CDKL5: variants seen among roughly 807,000 people sequenced by gnomAD.
CDKL5 encodes cyclin dependent kinase like 5.
In CDKL5, 8 loss-of-function variants were observed where a neutral mutation model predicts 61.7. That is an observed-to-expected ratio of 0.13 (90% confidence interval 0.08 to 0.23). CDKL5 has a LOEUF of 0.23. Among genes scored for constraint, CDKL5 ranks in the 10% least tolerant of loss-of-function variants. The pLI is 1.00. For synonymous variants in CDKL5, 275 were observed against 272.3 expected, an observed-to-expected ratio of 1.01 and a Z score of -0.10; for missense variants, 440 against 734.5, an observed-to-expected ratio of 0.60 and a Z score of 4.63.
At chrX:18,549,586 G>T (rs537239254) in intron 3 of CDKL5, among the ~76,000 whole-genome samples, 1 of 112,113 alleles carries the variant, frequency 8.9e-6, no homozygotes, top group African/African-American at 3.2e-5. Flanking sequence ...CCAGGAAAGA[G>T]AGCAGGATGA....
intron 3 of CDKL5, among the ~76,000 whole-genome samples, chrX:18,540,524 A>T (rs1387176250): frequency 9.0e-6 from 1 of 111,264 alleles, no homozygotes; most frequent in Non-Finnish European, 1.9e-5. Flanking sequence ...ACCATTCTTT[A>T]AGGGTAAGTT....
At chrX:18,616,624 TAA>T (rs771312871) in intron 15 of CDKL5, among the ~76,000 whole-genome samples, 8 of 92,641 alleles carry the variant, frequency 8.6e-5, no homozygotes, top group Admixed American at 1.2e-4. Flanking sequence ...AAACTCCGTC[TAA>T]AAAAAAAAAA....
chrX:18,577,514 T>G lies in CDKL5; in HGVS notation c.282+2024T>G, dbSNP rs900070897. On this transcript the variant is annotated intron_variant, in intron 5 of 17. Coordinates refer to ENST00000623535, the MANE Select transcript of CDKL5 (RefSeq NM_001323289.2). ...CAGAGGCTTAAAATAGAAGTTTCTTTCACCCTCACATATAAATACAAAGGT... is the reference window on the plus strand; with the variant it reads ...CAGAGGCTTAAAATAGAAGTTTCTTGCACCCTCACATATAAATACAAAGGT... 1.3e-4 allele frequency among the ~76,000 whole-genome samples: 15 copies of G among 112,220 alleles called. No homozygotes were observed. In the Admixed American group the frequency reaches 1.4e-3, roughly 11 times the overall value.
rs200255102 is a variant in CDKL5, at chrX:18,598,316, CTTTT to C, written c.826-138_826-135del. ...TGAGATTATAGGTGATTTAGATAGT[CTTTT>C]TTTTTTTATTTCCTGAACTGTGTTT... On this transcript the variant is annotated intron_variant, in intron 10 of 17. Coordinates refer to ENST00000623535, the MANE Select transcript of CDKL5 (RefSeq NM_001323289.2). The C allele has an allele frequency of 1.6e-5, 6 of 377,327 alleles. No homozygotes were observed. The Admixed American group carries it at 2.4e-4, about 15-fold the overall frequency. 31.1% of individuals were successfully genotyped at this position (377,327 alleles called of 1,213,427 possible).
At chrX:18,521,151 C>T (rs780382114) in intron 3 of CDKL5, among the ~76,000 whole-genome samples, 3 of 112,200 alleles carry the variant, frequency 2.7e-5, no homozygotes, top group East Asian at 2.8e-4. Context: ...TCTTTTCATG[C>T]GCTTTTGGTC....
chrX:18,616,080 C>T (rs1926705485), intron 15 of CDKL5, among the ~76,000 whole-genome samples: 1 of 111,302 alleles, frequency 9.0e-6, no homozygotes, highest in Non-Finnish European at 1.9e-5. Flanking sequence ...TAGCAGGCAG[C>T]ACTGAGGTTG....
intron 1 of CDKL5, among the ~76,000 whole-genome samples, chrX:18,449,713 C>G (rs1931963394): frequency 8.9e-6 from 1 of 111,835 alleles, no homozygotes; most frequent in African/African-American, 3.2e-5. Flanking sequence ...TTATAAGATT[C>G]ATTTGTTGCC....
At chrX:18,620,216 C>T (rs1307332206) in intron 16 of CDKL5, among the ~76,000 whole-genome samples, 2 of 112,316 alleles carry the variant, frequency 1.8e-5, no homozygotes. Context: ...AAGCCTTTCT[C>T]AATATACTTC....
chrX:18,481,794 T>C (rs1164774029), intron 1 of CDKL5, among the ~76,000 whole-genome samples: 1 of 111,127 alleles, frequency 9.0e-6, no homozygotes, highest in African/African-American at 3.3e-5. Flanking sequence ...TTCAGTATTC[T>C]CAGCCTTCCT....
At chrX:18,525,286 A>G (rs755880690) in intron 3 of CDKL5, among the ~76,000 whole-genome samples, 26 of 110,529 alleles carry the variant, frequency 2.4e-4, no homozygotes, top group Admixed American at 5.8e-4. Context: ...TTTAGTAGAG[A>G]TGGGGTTTCA....
chrX:18,490,521 C>T (rs1222350725), intron 1 of CDKL5, among the ~76,000 whole-genome samples: 2 of 110,301 alleles, frequency 1.8e-5, no homozygotes, highest in African/African-American at 3.3e-5. Context: ...CAAATGGAAA[C>T]GTACCAAAGC....
chrX:18,557,088 G>A (rs150421540), intron 3 of CDKL5, among the ~76,000 whole-genome samples: 1,781 of 110,670 alleles, frequency 0.016, 28 homozygotes, highest in Middle Eastern at 0.046. Context: ...ATGATGAAAT[G>A]AAGAATTTCT....
chrX:18,529,294 T>C (rs775201117), intron 3 of CDKL5, among the ~76,000 whole-genome samples: 38 of 109,346 alleles, frequency 3.5e-4, no homozygotes, highest in African/African-American at 1.2e-3. Flanking sequence ...TAGGTAACTT[T>C]TACTAGAATT....
Position 18,629,402 on chromosome X carries a change from AAAACT to A in CDKL5, c.*650_*654del. 1 of 694,147 alleles carries A rather than the reference AAAACT, an allele frequency of 1.4e-6. No homozygotes were observed. The highest frequency in any genetic ancestry group is 1.7e-6 in the Non-Finnish European group (1 of 584,999). 57.2% of individuals were successfully genotyped at this position (694,147 alleles called of 1,213,427 possible). On this transcript the variant is annotated 3_prime_UTR_variant, in exon 18 of 18. Coordinates refer to ENST00000623535, the MANE Select transcript of CDKL5 (RefSeq NM_001323289.2). ...TGGGACAGCTACAGTAGTTTCTATA[AAAACT>A]AAACAGTAACATTTATATATTGCAT...
intron 1 of CDKL5, among the ~76,000 whole-genome samples, chrX:18,484,409 C>T (rs1010196028): frequency 2.1e-4 from 23 of 110,339 alleles, no homozygotes; most frequent in African/African-American, 7.3e-4. Context: ...CCTCTGCCTC[C>T]TGGGTTCAAG....
In CDKL5 at chrX:18,509,192, A is replaced by AAC. The variant is rs1183838846; in HGVS notation, c.65-1625_65-1624dup. On this transcript the variant is annotated intron_variant, in intron 2 of 17. Transcript: ENST00000623535. ...TGATGAGAGAGCGAGACTGTCTCAA[A>AAC]ACACGCACACACACACACACACACA... 2.2e-4 allele frequency among the ~76,000 whole-genome samples: 10 copies of AAC among 45,009 alleles called. No individual in the cohort carries two copies. In the East Asian group the frequency reaches 3.0e-3, roughly 13 times the overall value. The allele number at this position is 45,009 out of a possible 115,157, so 39.1% of individuals were successfully genotyped here.
chrX:18,555,728 G>A (rs1443045556), intron 3 of CDKL5, among the ~76,000 whole-genome samples: 1 of 112,043 alleles, frequency 8.9e-6, no homozygotes, highest in Non-Finnish European at 1.9e-5. Context: ...TACATACCAG[G>A]TTGTAGACTT....
At chrX:18,464,790 A>G (rs906062514) in intron 1 of CDKL5, among the ~76,000 whole-genome samples, 5 of 111,903 alleles carry the variant, frequency 4.5e-5, no homozygotes, top group Non-Finnish European at 9.4e-5. Flanking sequence ...CATTTTCTTT[A>G]GGGAATTTAA....
At chrX:18,627,825 A>T (rs1349277650) in intron 17 of CDKL5, 1 of 108,088 alleles carries the variant, frequency 9.3e-6, no homozygotes, top group Non-Finnish European at 1.9e-5. Context: ...GCAGCAAGGG[A>T]ACATTTGAAT....
Sources: gnomAD v4.1 joint callset for allele counts (sites outside exome capture counted in the v4.1 genomes callset) on GRCh38, gnomAD v4.1.1 for gene constraint, MANE v1.5 for transcripts, NCBI Gene and HGNC (gene_info 2026-07-23, HGNC 2026-07-21) for gene names.